HECW1: variants seen among roughly 807,000 people sequenced by gnomAD.
HECW1 encodes the protein E3 ubiquitin-protein ligase HECW1.
Under a neutral mutation model 182.3 loss-of-function variants are expected in HECW1, and 61 were observed. That is an observed-to-expected ratio of 0.33 (90% CI 0.27 to 0.41). The LOEUF (loss-of-function observed/expected upper bound fraction) is 0.41, where lower values mean the gene tolerates loss of function less well. Among genes scored for constraint, HECW1 ranks in the 10% least tolerant of loss-of-function variants. The pLI, the probability that HECW1 is intolerant of heterozygous loss-of-function variation, is 1.00. For missense variants in HECW1, 1,739 were observed against 2,108.9 expected (o/e 0.82, Z 3.44); for synonymous variants, 859 against 832.6 (o/e 1.03, Z -0.55).
At chr7:43,383,615 C>CT (rs2074648079) in intron 6 of HECW1, among the ~76,000 whole-genome samples, 1 of 152,154 alleles carries the variant, frequency 6.6e-6, no homozygotes, top group Non-Finnish European at 1.5e-5. Context: ...CCTTTGCCCA[C>CT]TTTTTGATAG....
chr7:43,221,380 TCAGAGAAGA>T (rs1413005450), intron 2 of HECW1, among the ~76,000 whole-genome samples: 7 of 151,976 alleles, frequency 4.6e-5, no homozygotes, highest in Non-Finnish European at 1.0e-4. Flanking sequence ...TACCAATCAA[TCAGAGAAGA>T]TAATTGAAAT....
chr7:43,498,712 G>A (rs895793742), intron 19 of HECW1, among the ~76,000 whole-genome samples: 7 of 152,056 alleles, frequency 4.6e-5, no homozygotes, highest in Non-Finnish European at 7.4e-5. Context: ...CACCCCCCAG[G>A]TTCTGGTGAT....
chr7:43,505,472 G>A (rs2079539932), intron 21 of HECW1, among the ~76,000 whole-genome samples: 1 of 152,194 alleles, frequency 6.6e-6, no homozygotes, highest in Non-Finnish European at 1.5e-5. Context: ...CAGCCACTAT[G>A]CAAGGGCTTC....
chr7:43,259,807 C>G (rs143254277), intron 3 of HECW1, among the ~76,000 whole-genome samples: 198 of 152,192 alleles, frequency 1.3e-3, no homozygotes, highest in African/African-American at 4.4e-3. Context: ...ACACTTTACC[C>G]ATCATCAATC....
At chr7:43,506,364 C>T (rs1284477689) in intron 21 of HECW1, among the ~76,000 whole-genome samples, 1 of 152,030 alleles carries the variant, frequency 6.6e-6, no homozygotes, top group East Asian at 1.9e-4. Flanking sequence ...TATGCAAGTA[C>T]AATTAAAGCT....
At chr7:43,469,595 G>T (rs1489138624) in intron 16 of HECW1, among the ~76,000 whole-genome samples, 1 of 152,192 alleles carries the variant, frequency 6.6e-6, no homozygotes, top group African/African-American at 2.4e-5. Context: ...GCAGGGTGGG[G>T]TGTGCTAGGC....
intron 2 of HECW1, among the ~76,000 whole-genome samples, chr7:43,198,944 TCA>T (rs1794784084): frequency 6.6e-6 from 1 of 152,246 alleles, no homozygotes. Flanking sequence ...CTGAAGGCTC[TCA>T]CAGCATGCTT....
intron 2 of HECW1, among the ~76,000 whole-genome samples, chr7:43,141,435 T>C (rs1353795542): frequency 6.6e-6 from 1 of 152,196 alleles, no homozygotes; most frequent in Non-Finnish European, 1.5e-5. Flanking sequence ...AATGTGCTTC[T>C]CTTGGAATGT....
chr7:43,349,669 T>C (rs1814147851), intron 5 of HECW1, among the ~76,000 whole-genome samples: 3 of 152,236 alleles, frequency 2.0e-5, no homozygotes, highest in Non-Finnish European at 2.9e-5. Flanking sequence ...TATATAATAA[T>C]AGCTACCCCT....
At chr7:43,275,498 A>G (rs552981122) in intron 3 of HECW1, among the ~76,000 whole-genome samples, 1 of 152,302 alleles carries the variant, frequency 6.6e-6, no homozygotes, top group South Asian at 2.1e-4. Flanking sequence ...ACTACTTGTA[A>G]TTAGTAAGCA....
intron 2 of HECW1, among the ~76,000 whole-genome samples, chr7:43,217,835 AC>A (rs1796576851): frequency 6.6e-6 from 1 of 152,224 alleles, no homozygotes. Context: ...ATTTTTGGTC[AC>A]TGAGCATCTA....
intron 6 of HECW1, among the ~76,000 whole-genome samples, chr7:43,383,832 GTTGA>G (rs1379176063): frequency 9.1e-6 from 1 of 109,946 alleles, no homozygotes; most frequent in African/African-American, 3.6e-5. Context: ...GCCAGTAACA[GTTGA>G]TTAACATATT....
chr7:43,490,928 T>C (rs1033131030), intron 17 of HECW1, among the ~76,000 whole-genome samples: 11 of 152,146 alleles, frequency 7.2e-5, no homozygotes, highest in Non-Finnish European at 1.0e-4. Flanking sequence ...TGGCTTATTT[T>C]TAGATTTTTA....
Position 43,311,833 on chromosome 7 carries a change from G to A in HECW1, c.98G>A (p.Arg33His), listed in dbSNP as rs776309881. The A allele has an allele frequency of 1.2e-6, 2 of 1,614,138 alleles. No individual in the cohort carries two copies. The highest frequency in any genetic ancestry group is 1.1e-5 in the South Asian group (1 of 91,080). The change falls in exon 4 of 30, where the codon CGC (arginine) becomes CAC (histidine). Residue 33 changes from arginine to histidine, a missense_variant. Physicochemically the swap from Arg to His is conservative, Grantham distance 29. This residue lies in a region of HECW1 where 279 missense variants were observed against 353.1 expected (regional missense o/e 0.79). Coordinates refer to ENST00000395891, the MANE Select transcript of HECW1 (RefSeq NM_015052.5). Reference protein sequence around the residue: ...ASPSRNSQSRRRCKEPLRYSY... With the variant: ...ASPSRNSQSRHRCKEPLRYSY... ...CCTTCTAGAAACTCCCAGAGCCGAC[G>A]CCGGTGCAAGGAGCCGCTCCGATAC...
intron 2 of HECW1, among the ~76,000 whole-genome samples, chr7:43,176,624 C>T (rs968942454): frequency 6.6e-6 from 1 of 152,274 alleles, no homozygotes; most frequent in Non-Finnish European, 1.5e-5. Flanking sequence ...TGATAACTAA[C>T]CCCCTCCCTC....
chr7:43,558,919 A>C (rs1257463455), intron 29 of HECW1, among the ~76,000 whole-genome samples: 1 of 152,210 alleles, frequency 6.6e-6, no homozygotes, highest in Non-Finnish European at 1.5e-5. Context: ...TAAATTTAGA[A>C]GGAAAGAGAG....
At chr7:43,265,086 G>GAAACAAAC (rs1283538405) in intron 3 of HECW1, among the ~76,000 whole-genome samples, 1 of 152,106 alleles carries the variant, frequency 6.6e-6, no homozygotes, top group Non-Finnish European at 1.5e-5. Flanking sequence ...TTCTATCATG[G>GAAACAAAC]AAACAAACAA....
intron 3 of HECW1, among the ~76,000 whole-genome samples, chr7:43,246,252 A>T (rs1799371030): frequency 6.6e-6 from 1 of 152,322 alleles, no homozygotes; most frequent in South Asian, 2.1e-4. Context: ...ACAGTGAGCT[A>T]ATATGGCACC....
intron 2 of HECW1, among the ~76,000 whole-genome samples, chr7:43,134,784 T>G (rs960881397): frequency 4.6e-5 from 7 of 152,206 alleles, no homozygotes; most frequent in African/African-American, 1.7e-4. Flanking sequence ...GTGTTGTGAC[T>G]TTTTCCCCAA....
Sources: gnomAD v4.1 joint callset for allele counts (sites outside exome capture counted in the v4.1 genomes callset) on GRCh38, gnomAD v4.1.1 for gene constraint, gnomAD v4.1.1 regional missense constraint, MANE v1.5 for transcripts, NCBI Gene and HGNC (gene_info 2026-07-23, HGNC 2026-07-21) for gene names.